The following SLCO4A1 variants were observed in gnomAD, a reference collection of about 807,000 sequenced individuals.
The protein encoded by SLCO4A1 is solute carrier organic anion transporter family member 4A1, also known as colon organic anion transporter.
Under a neutral mutation model 64.6 loss-of-function variants are expected in SLCO4A1, and 51 were observed. That is an observed-to-expected ratio of 0.79 (90% confidence interval 0.63 to 1.00). The LOEUF is 1.00. Among genes scored for constraint, SLCO4A1 ranks in the 50% least tolerant of loss-of-function variants. SLCO4A1 has a pLI of 0.00. For missense variants in SLCO4A1, 919 were observed against 980.5 expected, an observed-to-expected ratio of 0.94 and a Z score of 0.84; for synonymous variants, 471 against 444.9, an observed-to-expected ratio of 1.06 and a Z score of -0.74.
At chr20:62,667,721 C>A (rs75017469) in intron 7 of SLCO4A1, 24 bp from the exon 8 acceptor site, 1 of 1,595,986 alleles carries the variant, frequency 6.3e-7, no homozygotes, top group Non-Finnish European at 8.5e-7. Context: ...TGGACCCTAC[C>A]ACTCGCTTGT....
intron 1 of SLCO4A1, chr20:62,642,867 GGGGCTGC>G (rs1980625172): frequency 5.8e-6 from 2 of 342,092 alleles, no homozygotes; most frequent in East Asian, 2.4e-4. Context: ...CGGGTGAGCA[GGGGCTGC>G]GGCCCTGGCA....
At chr20:62,678,512 A>T (rs1055658558) in intron 2 of SLCO4A1, among the ~76,000 whole-genome samples, 6 of 151,092 alleles carry the variant, frequency 4.0e-5, no homozygotes, top group African/African-American at 1.5e-4. Context: ...TTGTACACAA[A>T]TGTTTCTTAC....
Position 62,665,091 on chromosome 20 carries a change from G to A in SLCO4A1, c.1276+3G>A, listed in dbSNP as rs1337320488. 2.2e-5 allele frequency: 35 copies of A among 1,601,578 alleles called. No homozygotes were observed. The highest frequency in any genetic ancestry group is 2.7e-5 in the African/African-American group (2 of 74,112). On this transcript the variant is annotated splice_donor_region_variant and intron_variant, in intron 6 of 11. Transcript: ENST00000217159. Reference sequence around the variant, plus strand: ...CTCAGAAGCTGCCACCTTGTTTGGTGAGAAAACTGAATCTTGGGGGTCCTC... The same window carrying A: ...CTCAGAAGCTGCCACCTTGTTTGGTAAGAAAACTGAATCTTGGGGGTCCTC...
chr20:62,683,651 G>A (rs1202064366), intron 2 of SLCO4A1, among the ~76,000 whole-genome samples: 2 of 152,144 alleles, frequency 1.3e-5, no homozygotes, highest in African/African-American at 4.8e-5. Context: ...GTTGCCTCTT[G>A]TATTCAGCAC....
Position 62,671,814 on chromosome 20 carries a change from A to G in SLCO4A1, c.2090A>G (p.Asp697Gly), listed in dbSNP as rs771423444. ...FLYKPLSESS[D>G]GLETCLPSQS... ...TACAAGCCCCTGTCGGAGTCTTCAG[A>G]TGGCCTGGAAACTTGTCTGCCCAGC... is the stretch of plus-strand genomic sequence containing the variant. The change falls in exon 12 of 12, where the codon GAT becomes GGT. Residue 697 changes from aspartate to glycine, a missense_variant. Transcript: ENST00000217159. The G allele has an allele frequency of 6.2e-6, 10 of 1,613,448 alleles. No individual in the cohort carries two copies. In the East Asian group the frequency reaches 1.8e-4, roughly 29 times the overall value.
At chr20:62,685,806 G>A (rs1294604497), downstream of SLCO4A1, 1 of 152,274 alleles carries the variant, frequency 6.6e-6, no homozygotes. This position sits in a 1 kb window ranked among gnomAD's most constrained non-coding sequence, Gnocchi z 4.6. Flanking sequence ...GCCCTTGCAA[G>A]GGGTGTGAAA....
intron 2 of SLCO4A1, among the ~76,000 whole-genome samples, chr20:62,678,210 T>C (rs1315084692): frequency 6.6e-6 from 1 of 152,220 alleles, no homozygotes; most frequent in Middle Eastern, 3.2e-3. Flanking sequence ...TTATTGCAGC[T>C]GTGCATAAGA....
intron 2 of SLCO4A1, 129 bp downstream of exon 2, chr20:62,657,379 C>A: frequency 1.1e-6 from 1 of 912,206 alleles, no homozygotes; most frequent in Non-Finnish European, 1.6e-6. Flanking sequence ...GGCCCTGGGG[C>A]TGCTGCAAGA....
downstream of SLCO4A1, among the ~76,000 whole-genome samples, chr20:62,673,788 T>C (rs1056003983): frequency 6.6e-6 from 1 of 152,202 alleles, no homozygotes; most frequent in Non-Finnish European, 1.5e-5. Flanking sequence ...CTGTAGCACC[T>C]GGACTGCAGA....
In SLCO4A1 at chr20:62,669,084, C is replaced by T. The variant is rs1986883074; in HGVS notation, c.2025+6C>T. 1.2e-6 allele frequency: 2 copies of T among 1,608,344 alleles called. No homozygotes were observed. The highest frequency in any genetic ancestry group is 1.1e-5 in the South Asian group (1 of 91,060). ...TCATGGGGCTCCTGTACAAGGTAAG[C>T]AGGCCCAGGGAGGGGACAGAGGGTC... On this transcript the variant is annotated splice_donor_region_variant and intron_variant, in intron 11 of 11. Coordinates refer to ENST00000217159, the MANE Select transcript of SLCO4A1 (RefSeq NM_016354.4).
chr20:62,648,860 C>T (rs912373790), intron 1 of SLCO4A1: 1 of 152,406 alleles, frequency 6.6e-6, no homozygotes, highest in East Asian at 1.9e-4. Flanking sequence ...ACCCAGCTCT[C>T]GAGTGACCGC....
At chr20:62,686,091 G>A (rs544851171), downstream of SLCO4A1, among the ~76,000 whole-genome samples, 2 of 152,246 alleles carry the variant, frequency 1.3e-5, no homozygotes, top group East Asian at 1.9e-4. Flanking sequence ...TGTTTATCGC[G>A]GCCACTTCCC....
At chr20:62,671,666 G>A (rs1987231286) in intron 11 of SLCO4A1, 84 bp from the exon 12 acceptor site, 5 of 1,316,506 alleles carry the variant, frequency 3.8e-6, no homozygotes, top group Non-Finnish European at 5.3e-6. Flanking sequence ...GGCTGGGGCA[G>A]GGACAGGACT....
rs545255864 is a variant in SLCO4A1, at chr20:62,655,988, C to T, written c.-96-371C>T. ...TGACCTGGGACCCCAGTGTCTGACT[C>T]GGCCTCTGCGTCTCAGCTCCACTCT... On this transcript the variant is annotated intron_variant, in intron 1 of 11. Transcript: ENST00000217159. Among the ~76,000 whole-genome samples the T allele has an allele frequency of 2.6e-5, 4 of 152,324 alleles. No homozygotes were observed. The East Asian group carries it at 7.7e-4, about 29-fold the overall frequency.
chr20:62,648,962 A>C (rs1293067247), intron 1 of SLCO4A1: 1 of 152,284 alleles, frequency 6.6e-6, no homozygotes, highest in Non-Finnish European at 1.5e-5. Context: ...GTACCAAAGT[A>C]TGGAAGGACT....
At chr20:62,658,918 G>C (rs1984266802) in intron 3 of SLCO4A1, 151 bp downstream of exon 3, 4 of 672,034 alleles carry the variant, frequency 6.0e-6, no homozygotes, top group Non-Finnish European at 1.0e-5. Flanking sequence ...GGCTGGCCTT[G>C]GCTCTGGAGG....
chr20:62,684,838 C>T (rs1057231148), intron 2 of SLCO4A1, among the ~76,000 whole-genome samples: 3 of 152,176 alleles, frequency 2.0e-5, no homozygotes, highest in Non-Finnish European at 2.9e-5. Flanking sequence ...CTCATTAGCC[C>T]GTGCTCCACC....
At chr20:62,653,091 G>A (rs917520654) in intron 1 of SLCO4A1, among the ~76,000 whole-genome samples, 4 of 152,240 alleles carry the variant, frequency 2.6e-5, no homozygotes, top group South Asian at 2.1e-4. Context: ...TGTGCACAGC[G>A]GGTGTTAGCA....
Position 62,656,810 on chromosome 20 carries a change from C to T in SLCO4A1, c.356C>T (p.Thr119Ile), listed in dbSNP as rs1210056653. ...LCAAAFLQGM[T>I]VNGFINTVIT... ...GCGGCCGCATTCCTGCAGGGGATGA[C>T]TGTGAATGGCTTCATCAACACAGTC... Residue 119 changes from threonine (T) to isoleucine (I), a missense_variant, in exon 2 of 12, where the codon ACT becomes ATT. Transcript: ENST00000217159. 6.2e-7 allele frequency: 1 copy of T among 1,612,906 alleles called. No individual in the cohort carries two copies. Among genetic ancestry groups the T allele is most frequent in the Non-Finnish European group, 8.5e-7 (1 of 1,179,918 alleles).
Sources: gnomAD v4.1 joint callset for allele counts (sites outside exome capture counted in the v4.1 genomes callset) on GRCh38, gnomAD v4.1.1 for gene constraint, Gnocchi (gnomAD v3.1) non-coding constraint, MANE v1.5 for transcripts, NCBI Gene and HGNC (gene_info 2026-07-23, HGNC 2026-07-21) for gene names.